The following KLK1 variants were observed in gnomAD, a reference collection of about 807,000 sequenced individuals.
The protein encoded by KLK1 is kallikrein 1, also known as kallikrein-1.
Under a neutral mutation model 23.3 loss-of-function variants are expected in KLK1, and 22 were observed. The ratio of observed to expected loss-of-function variants is 0.95; its 90% CI spans 0.68 to 1.35. The LOEUF (loss-of-function observed/expected upper bound fraction) is 1.35. Among genes scored for constraint, KLK1 ranks in the 40% most tolerant of loss-of-function variants. The pLI, the probability that KLK1 is intolerant of heterozygous loss-of-function variation, is 0.00. For missense variants in KLK1, 301 were observed against 338.9 expected, an observed-to-expected ratio of 0.89 and a Z score of 0.88; for synonymous variants, 140 against 135.8, an observed-to-expected ratio of 1.03 and a Z score of -0.21.
chr19:50,819,488 G>C, intron 4 of KLK1, 139 bp from the exon 5 acceptor site: 1 of 832,756 alleles, frequency 1.2e-6, no homozygotes, highest in Non-Finnish European at 1.8e-6. Context: ...AGAGGGGACA[G>C]GGTCTCCAGT....
chr19:50,822,384 A>C (rs1273777055), intron 1 of KLK1: 2 of 986,672 alleles, frequency 2.0e-6, no homozygotes, highest in African/African-American at 3.5e-5. Context: ...TTAGGGAACC[A>C]GGTCTGAGAG....
At chr19:50,820,682 GA>G in intron 2 of KLK1, 1 of 409,408 alleles carries the variant, frequency 2.4e-6, no homozygotes. Context: ...CAAAAGGACA[GA>G]GGGGTGAAAA....
At chr19:50,819,670 C>T (rs192442056) in intron 4 of KLK1, among the ~76,000 whole-genome samples, 169 of 151,364 alleles carry the variant, frequency 1.1e-3, no homozygotes, top group Non-Finnish European at 1.9e-3. Context: ...TCTGACTCGA[C>T]GGTAACAACA....
chr19:50,819,790 G>T, intron 4 of KLK1, 109 bp downstream of exon 4: 1 of 1,127,422 alleles, frequency 8.9e-7, no homozygotes, highest in Non-Finnish European at 1.3e-6. Flanking sequence ...AGTGGCTACA[G>T]CTAGCTGGGA....
rs200913858 is a variant in KLK1 at position 50,819,350 on chromosome 19, C to T, written c.634-1G>A. ...ACATCAGCGGGCCCCCTGAATCACC[C>T]TGGGAGCACAAGGTGGGAGGGGAGA... On this transcript the variant is annotated splice_acceptor_variant, in intron 4 of 4. Coordinates refer to ENST00000301420, the MANE Select transcript of KLK1 (RefSeq NM_002257.4). LOFTEE classifies it high-confidence loss of function. 6 of 1,606,498 alleles carry T rather than the reference C, an allele frequency of 3.7e-6. No individual in the cohort carries two copies. Among genetic ancestry groups the T allele is most frequent in the Admixed American group, 1.7e-5 (1 of 59,640 alleles).
intron 2 of KLK1, 154 bp from the exon 3 acceptor site, chr19:50,820,597 T>G: frequency 1.7e-6 from 1 of 583,254 alleles, no homozygotes; most frequent in Non-Finnish European, 3.0e-6. Context: ...TATGGAGAAA[T>G]ACAGACAGCG....
At chr19:50,819,863 C>G (rs780608714) in intron 4 of KLK1, 36 bp downstream of exon 4, 1 of 1,607,346 alleles carries the variant, frequency 6.2e-7, no homozygotes, top group Admixed American at 1.7e-5. Flanking sequence ...TCCCCTCCCT[C>G]AGCCCTTCCA....
rs774159101 is a variant in KLK1 at position 50,819,168 on chromosome 19, T to A, written c.*26A>T. 7 of 1,584,988 alleles carry A rather than the reference T, an allele frequency of 4.4e-6. No individual in the cohort carries two copies. The highest frequency in any genetic ancestry group is 6.0e-6 in the Non-Finnish European group (7 of 1,159,916). ...ACATTGGATGCACATTTGATTTTAC[T>A]GGGGGTAGGGGACAGGGCTGGGCGT... On this transcript the variant is annotated 3_prime_UTR_variant, in exon 5 of 5. Transcript: ENST00000301420.
rs368488353 is a variant in KLK1, at chr19:50,821,238, C to T, written c.206+474G>A. ...GAGCTGGACAGAGGGAGAGGCGCCCCCTCCCAGGCACACAAGTTGGGGATA... is the reference window on the plus strand; with the variant it reads ...GAGCTGGACAGAGGGAGAGGCGCCCTCTCCCAGGCACACAAGTTGGGGATA... On this transcript the variant is annotated intron_variant, in intron 2 of 4. Transcript: ENST00000301420. This position sits in a 1 kb window ranked among gnomAD's most constrained non-coding sequence, Gnocchi z 5.6. Among the ~76,000 whole-genome samples, 22 of 152,296 alleles carry T rather than the reference C, an allele frequency of 1.4e-4. No individual in the cohort carries two copies. The East Asian group carries it at 1.5e-3, about 11-fold the overall frequency.
At chr19:50,819,806 T>G (rs1181510673) in intron 4 of KLK1, 93 bp downstream of exon 4, 2 of 1,276,352 alleles carry the variant, frequency 1.6e-6, no homozygotes, top group South Asian at 1.4e-5. Context: ...TGGGAAGCAG[T>G]GAAGCAGATG....
chr19:50,823,554 T>G (rs915179950), intron 1 of KLK1, 149 bp downstream of exon 1: 24 of 514,632 alleles, frequency 4.7e-5, no homozygotes, highest in Non-Finnish European at 7.0e-5. Context: ...GCAAGATAGA[T>G]AAGAGCCGGG....
chr19:50,822,368 G>A, intron 1 of KLK1: 1 of 987,362 alleles, frequency 1.0e-6, no homozygotes, highest in South Asian at 4.7e-5. Context: ...AGGAAAGGAT[G>A]CAGCTTTAGG....
chr19:50,819,570 G>A (rs984574894), intron 4 of KLK1, among the ~76,000 whole-genome samples: 5 of 152,236 alleles, frequency 3.3e-5, no homozygotes, highest in Non-Finnish European at 5.9e-5. Context: ...GACAGTGCCT[G>A]CAGACAGGTT....
At chr19:50,820,486 GA>G (rs772829662) in intron 2 of KLK1, 43 bp from the exon 3 acceptor site, 2 of 496,260 alleles carry the variant, frequency 4.0e-6, no homozygotes, top group East Asian at 5.5e-5. Context: ...ACGGGAAGGG[GA>G]AAAGGGGATG....
At chr19:50,820,486 G>GA in intron 2 of KLK1, 43 bp from the exon 3 acceptor site, 1 of 496,274 alleles carries the variant, frequency 2.0e-6, no homozygotes. Context: ...ACGGGAAGGG[G>GA]AAAAGGGGAT....
In KLK1 at chr19:50,820,422, AC is replaced by A; in HGVS notation, c.227del (p.Gly76ValfsTer28). The part of the protein sequence containing the change: ...CISDNYQLWL[G>X]RHNLFDDENT... ...TTTCGTCGTCAAACAAGTTGTGGCG[AC>A]CCAGCCAGAGCTGGTAATTGCTGGG... On this transcript the variant is annotated frameshift_variant, in exon 3 of 5. Transcript: ENST00000301420. LOFTEE classifies it high-confidence loss of function. 6.3e-7 allele frequency: 1 copy of A among 1,575,104 alleles called. No homozygotes were observed. Among genetic ancestry groups the A allele is most frequent in the Non-Finnish European group, 8.6e-7 (1 of 1,158,540 alleles).
At position 50,820,447 on chromosome 19, in the gene KLK1, G is replaced by C; in HGVS notation, c.207-4C>G. On this transcript the variant is annotated splice_region_variant and splice_polypyrimidine_tract_variant and intron_variant, in intron 2 of 4. Coordinates refer to ENST00000301420, the MANE Select transcript of KLK1 (RefSeq NM_002257.4). The stretch of plus-strand genomic sequence containing the variant: ...ACCCAGCCAGAGCTGGTAATTGCTG[G>C]GGAAAGATGGGAATGGAGGGATGAG... 1 of 1,590,932 alleles carries C rather than the reference G, an allele frequency of 6.3e-7. No homozygotes were observed. The highest frequency in any genetic ancestry group is 8.6e-7 in the Non-Finnish European group (1 of 1,166,252).
rs1176397962 is a variant in KLK1, at chr19:50,821,073, C to T, written c.207-630G>A. On this transcript the variant is annotated intron_variant, in intron 2 of 4. Coordinates refer to ENST00000301420, the MANE Select transcript of KLK1 (RefSeq NM_002257.4). The surrounding 1 kb of genome is among the most constrained non-coding windows in gnomAD (Gnocchi z 5.6). Reference sequence around the variant, plus strand: ...TGGCCTGAAGTCCAAGGTCGAGGCCCCCTTCCCTTCCCAGCACCCTCCCGC... The same window carrying T: ...TGGCCTGAAGTCCAAGGTCGAGGCCTCCTTCCCTTCCCAGCACCCTCCCGC... Among the ~76,000 whole-genome samples the T allele has an allele frequency of 6.6e-6, 1 of 152,100 alleles. No homozygotes were observed. The highest frequency in any genetic ancestry group is 1.5e-5 in the Non-Finnish European group (1 of 68,006).
rs1408760367 is a variant in KLK1, at chr19:50,819,933, A to C, written c.599T>G (p.Val200Gly). The C allele has an allele frequency of 1.2e-6, 2 of 1,614,176 alleles. No individual in the cohort carries two copies. Reference sequence around the variant, plus strand: ...GTCTTTGCCACCTTCCAGGTGTCCGACACACAGCATGAAGTCTGTCACCTT... The same window carrying C: ...GTCTTTGCCACCTTCCAGGTGTCCGCCACACAGCATGAAGTCTGTCACCTT... ...VQKVTDFMLC[V>G]GHLEGGKDTC... The change falls in exon 4 of 5, where the codon GTC becomes GGC. Residue 200 changes from valine to glycine, a missense_variant. Physicochemically the swap from Val to Gly is moderately radical, Grantham distance 109 (BLOSUM62 -3). Coordinates refer to ENST00000301420, the MANE Select transcript of KLK1 (RefSeq NM_002257.4).
Sources: gnomAD v4.1 joint callset for allele counts (sites outside exome capture counted in the v4.1 genomes callset) on GRCh38, gnomAD v4.1.1 for gene constraint, Gnocchi (gnomAD v3.1) non-coding constraint, MANE v1.5 for transcripts, NCBI Gene and HGNC (gene_info 2026-07-23, HGNC 2026-07-21) for gene names.